SYNPR: variants seen among roughly 807,000 people sequenced by gnomAD.
The protein encoded by SYNPR is synaptoporin.
SYNPR carries 23 observed loss-of-function variants against 32.9 expected under a neutral mutation model. That is an observed-to-expected ratio of 0.70 (90% confidence interval 0.50 to 0.99). SYNPR has a LOEUF of 0.99. SYNPR is among the 50% of genes least tolerant of loss of function. The pLI is 0.00. For synonymous variants in SYNPR, 146 were observed against 135.9 expected, an observed-to-expected ratio of 1.07 and a Z score of -0.52; for missense variants, 318 against 349.3, an observed-to-expected ratio of 0.91 and a Z score of 0.71.
intron 3 of SYNPR, among the ~76,000 whole-genome samples, chr3:63,500,017 T>C (rs1424623878): frequency 1.3e-5 from 2 of 152,154 alleles, no homozygotes; most frequent in Non-Finnish European, 2.9e-5. Context: ...AAACAAAAAA[T>C]ATGCAACTTG....
chr3:63,260,987 T>A (rs549459218), intron 2 of SYNPR, among the ~76,000 whole-genome samples: 20 of 152,216 alleles, frequency 1.3e-4, no homozygotes, highest in African/African-American at 4.3e-4. Context: ...ACTGGCCATC[T>A]GAGAAATGCA....
chr3:63,403,441 T>TACACACACACACACAC (rs10559096), intron 2 of SYNPR, among the ~76,000 whole-genome samples: 87 of 146,016 alleles, frequency 6.0e-4, no homozygotes, highest in African/African-American at 1.6e-3. Flanking sequence ...TGTATACACA[T>TACACACACACACACAC]ACACACACAC....
Position 63,278,684 on chromosome 3 carries a change from C to T in SYNPR, c.26C>T (p.Ser9Phe), listed in dbSNP as rs1182158782. 2 of 1,551,708 alleles carry T rather than the reference C, an allele frequency of 1.3e-6. No individual in the cohort carries two copies. Among genetic ancestry groups the T allele is most frequent in the Non-Finnish European group, 1.7e-6 (2 of 1,146,990 alleles). ...CGCCTCATTCCCCCAAAGCTGGCCTCTGCGGGCACCTTCCGGGTGCTGAAG... is the reference window on the plus strand; with the variant it reads ...CGCCTCATTCCCCCAAAGCTGGCCTTTGCGGGCACCTTCCGGGTGCTGAAG... MDPVSQLA[S>F]AGTFRVLKEP... Residue 9 changes from serine (S) to phenylalanine (F), a missense_variant, in exon 2 of 6, where the codon TCT (serine) becomes TTT (phenylalanine). By Grantham distance (155) the Ser-to-Phe change is radical. Transcript: ENST00000478300.
intron 2 of SYNPR, among the ~76,000 whole-genome samples, chr3:63,261,372 G>A (rs11718212): frequency 0.85 from 128,735 of 151,474 alleles, 55,550 homozygotes; most frequent in African/African-American, 0.96. Context: ...TACACCATGG[G>A]ATACTATGCA....
Position 63,321,400 on chromosome 3 carries a change from C to G in SYNPR, c.84+42658C>G, listed in dbSNP as rs578253304. ...TTGCTCTGTTGAGAATTGTGAGGGT[C>G]AAATATTCCCATAAAAACTGATCTC... On this transcript the variant is annotated intron_variant, in intron 2 of 5. Coordinates refer to ENST00000478300, the MANE Select transcript of SYNPR (RefSeq NM_001130003.2). Among the ~76,000 whole-genome samples, 15 of 152,038 alleles carry G rather than the reference C, an allele frequency of 9.9e-5. No individual in the cohort carries two copies. In the South Asian group the frequency reaches 1.5e-3, roughly 15 times the overall value.
At chr3:63,275,685 T>G (rs4553972), upstream of SYNPR, among the ~76,000 whole-genome samples, 42,911 of 152,122 alleles carry the variant, frequency 0.28, 6,442 homozygotes, top group South Asian at 0.47. Context: ...ACATAGCCAT[T>G]CTAAGGCTGG....
chr3:63,398,096 C>G (rs917183561), intron 2 of SYNPR, among the ~76,000 whole-genome samples: 2 of 151,882 alleles, frequency 1.3e-5, no homozygotes, highest in African/African-American at 4.8e-5. Flanking sequence ...GCAAAATGAT[C>G]AAGTGAATAC....
chr3:63,482,741 T>A lies in SYNPR; in HGVS notation c.209+1785T>A, dbSNP rs139278713. ...TTCATCTAGGAGATATACACACCAT[T>A]CCAAAACAGCTTAATTTACTAGGGT... On this transcript the variant is annotated intron_variant, in intron 3 of 5. Transcript: ENST00000478300. 2.5e-3 allele frequency among the ~76,000 whole-genome samples: 378 copies of A among 152,250 alleles called. 1 individual carries two copies. The highest frequency in any genetic ancestry group is 8.3e-3 in the African/African-American group (345 of 41,538).
In SYNPR at chr3:63,595,720, TATATATATATATATATA is replaced by T. The variant is rs1699923657; in HGVS notation, c.409-13404_409-13388del. 3.7e-3 allele frequency among the ~76,000 whole-genome samples: 36 copies of T among 9,748 alleles called. 2 individuals carry two copies. Among genetic ancestry groups the T allele is most frequent in the South Asian group, 0.03 (4 of 132 alleles). The allele number at this position is 9,748 out of a possible 152,430, so 6.4% of individuals were successfully genotyped here. On this transcript the variant is annotated intron_variant, in intron 4 of 5. Transcript: ENST00000478300. ...GGTGGGACTTCTGAATCTTATTTTA[TATATATATATATATATA>T]TATATATATATATATATATATATAT... is the stretch of plus-strand genomic sequence containing the variant.
intron 2 of SYNPR, among the ~76,000 whole-genome samples, chr3:63,402,758 C>A (rs967858981): frequency 6.6e-6 from 1 of 152,210 alleles, no homozygotes; most frequent in South Asian, 2.1e-4. Flanking sequence ...TGCTATATCC[C>A]CAGTTCCTGG....
intron 2 of SYNPR, among the ~76,000 whole-genome samples, chr3:63,262,810 T>C (rs1480997279): frequency 6.6e-6 from 1 of 152,202 alleles, no homozygotes; most frequent in African/African-American, 2.4e-5. Flanking sequence ...ATTGCCTAGC[T>C]GAGTTAGAGA....
the SYNPR span, among the ~76,000 whole-genome samples, chr3:63,220,501 A>G: frequency 1.3e-5 from 2 of 152,054 alleles, no homozygotes; most frequent in Non-Finnish European, 2.9e-5. Flanking sequence ...GCTCCCTGTT[A>G]GGCTCTGTCA....
intron 2 of SYNPR, among the ~76,000 whole-genome samples, chr3:63,358,780 G>A (rs1453112094): frequency 6.6e-6 from 1 of 152,064 alleles, no homozygotes; most frequent in Non-Finnish European, 1.5e-5. Flanking sequence ...GAACTCTAAG[G>A]TAGGTTCTAC....
At chr3:63,444,222 A>G (rs938294635) in intron 2 of SYNPR, 3 of 152,234 alleles carry the variant, frequency 2.0e-5, no homozygotes, top group Non-Finnish European at 2.9e-5. Context: ...AACTACTGCA[A>G]AATGACTGTC....
At position 63,291,631 on chromosome 3, in the gene SYNPR, A is replaced by G. The variant is rs181938759; in HGVS notation, c.84+12889A>G. Among the ~76,000 whole-genome samples the G allele has an allele frequency of 1.9e-3, 292 of 152,288 alleles. 4 individuals are homozygous for G. The highest frequency in any genetic ancestry group is 0.015 in the Admixed American group (237 of 15,304). ...ATTTTGAAGCAGTTGAAAGCAAAGC[A>G]TGATTATTATGTGACCACCATTCAC... On this transcript the variant is annotated intron_variant, in intron 2 of 5. Transcript: ENST00000478300.
intron 2 of SYNPR, among the ~76,000 whole-genome samples, chr3:63,347,239 G>C (rs527537195): frequency 2.6e-5 from 4 of 152,254 alleles, no homozygotes; most frequent in East Asian, 1.9e-4. Context: ...ATTCAGACTT[G>C]CAGGTAATAG....
At chr3:63,408,338 A>AAGAAAG (rs2088414104) in intron 2 of SYNPR, among the ~76,000 whole-genome samples, 1 of 142,860 alleles carries the variant, frequency 7.0e-6, no homozygotes, top group Non-Finnish European at 1.5e-5. Flanking sequence ...GAAAGAAAGA[A>AAGAAAG]AGAAAGAAAG....
chr3:63,331,001 A>C (rs1462193382), intron 2 of SYNPR, among the ~76,000 whole-genome samples: 2 of 152,316 alleles, frequency 1.3e-5, no homozygotes, highest in Middle Eastern at 3.4e-3. Context: ...CCTAGTTCAC[A>C]CTTGTACAGG....
chr3:63,378,525 C>A (rs2087922171), intron 2 of SYNPR, among the ~76,000 whole-genome samples: 1 of 151,952 alleles, frequency 6.6e-6, no homozygotes, highest in Admixed American at 6.6e-5. Context: ...TCCCCTCTGC[C>A]AATATTGGAG....
Sources: gnomAD v4.1 joint callset for allele counts (sites outside exome capture counted in the v4.1 genomes callset) on GRCh38, gnomAD v4.1.1 for gene constraint, MANE v1.5 for transcripts, NCBI Gene and HGNC (gene_info 2026-07-23, HGNC 2026-07-21) for gene names.